Variants in LDLRAD3 observed in about 807,000 individuals in gnomAD.
LDLRAD3 encodes the protein low density lipoprotein receptor class A domain containing 3.
Under a neutral mutation model 29.4 loss-of-function variants are expected in LDLRAD3, and 20 were observed. That is an observed-to-expected ratio of 0.68 (90% CI 0.48 to 0.99). LDLRAD3 has a LOEUF of 0.99. Among genes scored for constraint, LDLRAD3 ranks in the 50% least tolerant of loss-of-function variants. The pLI is 0.00. For missense variants in LDLRAD3, 420 were observed against 454.3 expected (o/e 0.92, Z 0.69); for synonymous variants, 157 against 192.7 (o/e 0.81, Z 1.53).
At chr11:35,975,157 G>A (rs1159078840) in intron 1 of LDLRAD3, among the ~76,000 whole-genome samples, 1 of 152,174 alleles carries the variant, frequency 6.6e-6, no homozygotes, top group Non-Finnish European at 1.5e-5. Flanking sequence ...TCCAGGCTGT[G>A]ATAACCTAGG....
At position 35,957,441 on chromosome 11, in the gene LDLRAD3, G is replaced by A. The variant is rs138271449; in HGVS notation, c.46+13297G>A. Reference sequence around the variant, plus strand: ...GGAGATGACATTACCTGGCCCCTCTGCTTTTACATGATGGTCATGAGAATC... The same window carrying A: ...GGAGATGACATTACCTGGCCCCTCTACTTTTACATGATGGTCATGAGAATC... On this transcript the variant is annotated intron_variant, in intron 1 of 5. Coordinates refer to ENST00000315571, the MANE Select transcript of LDLRAD3 (RefSeq NM_174902.4). Among the ~76,000 whole-genome samples, 4 of 152,284 alleles carry A rather than the reference G, an allele frequency of 2.6e-5. No homozygotes were observed. The East Asian group carries it at 7.7e-4, about 29-fold the overall frequency.
intron 4 of LDLRAD3, among the ~76,000 whole-genome samples, chr11:36,193,601 T>C (rs1454421513): frequency 6.6e-6 from 1 of 152,204 alleles, no homozygotes; most frequent in Non-Finnish European, 1.5e-5. Flanking sequence ...CTCTGTGTGC[T>C]AGATGTTGTC....
chr11:36,007,114 A>G (rs1266471951), intron 1 of LDLRAD3, among the ~76,000 whole-genome samples: 1 of 152,196 alleles, frequency 6.6e-6, no homozygotes, highest in African/African-American at 2.4e-5. Context: ...TCCAGCAGTC[A>G]TTATTTATTT....
intron 2 of LDLRAD3, among the ~76,000 whole-genome samples, chr11:36,051,239 G>T (rs912105237): frequency 4.6e-5 from 7 of 152,210 alleles, no homozygotes; most frequent in Non-Finnish European, 8.8e-5. Flanking sequence ...GAGAGGAAAG[G>T]TTTCAGGGGC....
rs192948561 is a variant in LDLRAD3, at chr11:36,169,228, A to G, written c.455-57857A>G. ...ATATTTTGACAAATGCATACAATGCATAATGATCAAACCAGGGTAATTGGG... is the reference window on the plus strand; with the variant it reads ...ATATTTTGACAAATGCATACAATGCGTAATGATCAAACCAGGGTAATTGGG... On this transcript the variant is annotated intron_variant, in intron 4 of 5. Coordinates refer to ENST00000315571, the MANE Select transcript of LDLRAD3 (RefSeq NM_174902.4). Among the ~76,000 whole-genome samples, 739 of 152,324 alleles carry G rather than the reference A, an allele frequency of 4.9e-3. 1 individual carries two copies. Among genetic ancestry groups the G allele is most frequent in the Non-Finnish European group, 7.0e-3 (474 of 68,030 alleles).
intron 2 of LDLRAD3, among the ~76,000 whole-genome samples, chr11:36,039,115 G>T (rs1009050103): frequency 6.6e-6 from 1 of 151,246 alleles, no homozygotes; most frequent in Non-Finnish European, 1.5e-5. Context: ...GACTACAGGC[G>T]CCCGCCACTA....
intron 1 of LDLRAD3, among the ~76,000 whole-genome samples, chr11:35,982,258 C>T (rs994849298): frequency 1.3e-5 from 2 of 152,142 alleles, no homozygotes; most frequent in African/African-American, 4.8e-5. Flanking sequence ...CTTTCTGGCA[C>T]TCTTTGTCGT....
Position 36,227,294 on chromosome 11 carries a change from G to A in LDLRAD3, c.664G>A (p.Val222Ile). Residue 222 changes from valine to isoleucine, a missense_variant, in exon 5 of 6, where the codon GTC (valine) becomes ATC (isoleucine). Around this residue, in one of 3 missense-constraint regions of LDLRAD3, gnomAD observed 56 missense variants for 92.2 expected, o/e 0.61. Transcript: ENST00000315571. ...QHPVLLSRLV[V>I]LDHPHHCNVT... Reference sequence around the variant, plus strand: ...CCCTGTGCTGCTGTCCCGCCTGGTGGTCCTGGACCACCCCCACCACTGCAA... The same window carrying A: ...CCCTGTGCTGCTGTCCCGCCTGGTGATCCTGGACCACCCCCACCACTGCAA... 1 of 1,614,092 alleles carries A rather than the reference G, an allele frequency of 6.2e-7. No homozygotes were observed. The highest frequency in any genetic ancestry group is 8.5e-7 in the Non-Finnish European group (1 of 1,180,000).
At chr11:36,059,047 C>G (rs1335649444) in intron 2 of LDLRAD3, among the ~76,000 whole-genome samples, 3 of 152,150 alleles carry the variant, frequency 2.0e-5, no homozygotes, top group African/African-American at 4.8e-5. Flanking sequence ...GCATTTCTCA[C>G]AGGGCAGCTG....
At chr11:36,014,517 C>T (rs1051698276) in intron 1 of LDLRAD3, among the ~76,000 whole-genome samples, 1 of 152,134 alleles carries the variant, frequency 6.6e-6, no homozygotes, top group Admixed American at 6.5e-5. Flanking sequence ...AGTCACAACT[C>T]CCCTTGGCTG....
intron 4 of LDLRAD3, among the ~76,000 whole-genome samples, chr11:36,145,171 C>G (rs1394387471): frequency 7.9e-6 from 1 of 126,338 alleles, no homozygotes; most frequent in Non-Finnish European, 1.7e-5. Context: ...GGTCAGCCCC[C>G]CGCCCGGCCA....
At position 36,183,111 on chromosome 11, in the gene LDLRAD3, A is replaced by C. The variant is rs185908547; in HGVS notation, c.455-43974A>C. Among the ~76,000 whole-genome samples the C allele has an allele frequency of 6.6e-5, 10 of 152,276 alleles. No individual in the cohort carries two copies. The South Asian group carries it at 8.3e-4, about 13-fold the overall frequency. ...ACTTACAGGGTCCCAGGCACTGTAG[A>C]TGGTGGGACGTAGACGGTGGGATGG... is the stretch of plus-strand genomic sequence containing the variant. On this transcript the variant is annotated intron_variant, in intron 4 of 5. Transcript: ENST00000315571.
At chr11:36,209,440 A>G (rs113422337) in intron 4 of LDLRAD3, among the ~76,000 whole-genome samples, 9,992 of 144,042 alleles carry the variant, frequency 0.069, 433 homozygotes, top group East Asian at 0.18. Context: ...GCTCACTGCA[A>G]CCTTCGCCTC....
chr11:36,220,918 AAT>A (rs1189525836), intron 4 of LDLRAD3, among the ~76,000 whole-genome samples: 1 of 152,228 alleles, frequency 6.6e-6, no homozygotes, highest in Non-Finnish European at 1.5e-5. Context: ...TAACTTTTAA[AAT>A]ATATAATCTG....
At chr11:35,954,431 C>CT (rs1851175994) in intron 1 of LDLRAD3, among the ~76,000 whole-genome samples, 1 of 152,126 alleles carries the variant, frequency 6.6e-6, no homozygotes, top group Non-Finnish European at 1.5e-5. Context: ...TTTTTGATGT[C>CT]TATCTTATTT....
intron 2 of LDLRAD3, among the ~76,000 whole-genome samples, chr11:36,052,362 G>T (rs1454969065): frequency 6.6e-6 from 1 of 152,204 alleles, no homozygotes; most frequent in East Asian, 1.9e-4. Context: ...TTGTTGCAAT[G>T]CCCATGAGAG....
At chr11:36,123,221 G>C (rs1853786328) in intron 4 of LDLRAD3, among the ~76,000 whole-genome samples, 1 of 152,044 alleles carries the variant, frequency 6.6e-6, no homozygotes, top group South Asian at 2.1e-4. Context: ...ATAAAAGTGT[G>C]GTACATAATA....
At chr11:36,081,951 C>T (rs1194595424) in intron 3 of LDLRAD3, among the ~76,000 whole-genome samples, 173 bp downstream of exon 3, 1 of 152,206 alleles carries the variant, frequency 6.6e-6, no homozygotes, top group Non-Finnish European at 1.5e-5. Context: ...AATGTTCAGC[C>T]ACCATTTATC....
chr11:35,973,793 C>T (rs1330264633), intron 1 of LDLRAD3, among the ~76,000 whole-genome samples: 2 of 152,066 alleles, frequency 1.3e-5, no homozygotes, highest in East Asian at 3.9e-4. Flanking sequence ...TTGATAGTTA[C>T]TGCCTTGATG....
Sources: allele counts gnomAD v4.1 joint callset (sites outside exome capture counted in the v4.1 genomes callset), GRCh38; gene constraint gnomAD v4.1.1; regional missense constraint gnomAD v4.1.1; transcripts MANE v1.5; gene names NCBI Gene and HGNC (gene_info 2026-07-23, HGNC 2026-07-21).